The following PTPRD variants were observed in gnomAD, a reference collection of about 807,000 sequenced individuals.
PTPRD encodes protein tyrosine phosphatase receptor type D.
A neutral mutation model predicts 214.5 loss-of-function variants in PTPRD; 34 were observed. The ratio of observed to expected loss-of-function variants is 0.16; its 90% CI spans 0.12 to 0.21. The LOEUF (loss-of-function observed/expected upper bound fraction) is 0.21, where lower values mean the gene tolerates loss of function less well. Ranked by LOEUF, PTPRD falls within the 10% of genes least tolerant of loss-of-function variation. The probability of loss-of-function intolerance (pLI) is 1.00; values close to 1 mark genes in which losing one functional copy is unlikely to be tolerated. For missense variants in PTPRD, 2,545 were observed against 2,398.7 expected (o/e 1.06, Z -1.27); for synonymous variants, 1,128 against 845.7 (o/e 1.33, Z -5.79).
At chr9:9,861,458 A>C (rs2062759918) in intron 5 of PTPRD, among the ~76,000 whole-genome samples, 1 of 151,890 alleles carries the variant, frequency 6.6e-6, no homozygotes, top group Admixed American at 6.6e-5. Flanking sequence ...GCCCAGGCTA[A>C]TTTTTGTATT....
chr9:8,629,268 A>T (rs2096164552), intron 14 of PTPRD, among the ~76,000 whole-genome samples: 1 of 151,860 alleles, frequency 6.6e-6, no homozygotes, highest in South Asian at 2.1e-4. Context: ...CAAAAGAAGC[A>T]AGTACCCTTG....
intron 3 of PTPRD, among the ~76,000 whole-genome samples, chr9:10,084,869 A>C (rs1057196446): frequency 1.3e-5 from 2 of 151,952 alleles, no homozygotes; most frequent in Non-Finnish European, 2.9e-5. Flanking sequence ...AACATAATAC[A>C]TAAATCTTAC....
chr9:9,592,238 T>C (rs180727741), intron 7 of PTPRD, among the ~76,000 whole-genome samples: 4 of 152,188 alleles, frequency 2.6e-5, no homozygotes, highest in African/African-American at 7.2e-5. Context: ...TTGCCTAAAT[T>C]ATATCTTGTT....
intron 7 of PTPRD, among the ~76,000 whole-genome samples, chr9:9,697,625 T>A (rs1595492109): frequency 6.6e-6 from 1 of 152,246 alleles, no homozygotes; most frequent in East Asian, 1.9e-4. Flanking sequence ...CTTTTGTGTT[T>A]GACCTTTGAG....
intron 2 of PTPRD, among the ~76,000 whole-genome samples, chr9:10,465,049 A>G (rs1325138748): frequency 2.6e-5 from 4 of 152,216 alleles, no homozygotes; most frequent in Admixed American, 1.3e-4. Flanking sequence ...CAGAGCAAAT[A>G]AAAATATGTG....
At chr9:9,156,118 T>C (rs917713281) in intron 10 of PTPRD, among the ~76,000 whole-genome samples, 6 of 152,180 alleles carry the variant, frequency 3.9e-5, no homozygotes, top group Non-Finnish European at 8.8e-5. Context: ...AAAACAGATA[T>C]ACAGGCACTA....
chr9:10,467,526 G>A (rs768585607), intron 2 of PTPRD, among the ~76,000 whole-genome samples: 5 of 152,120 alleles, frequency 3.3e-5, no homozygotes, highest in Non-Finnish European at 5.9e-5. Flanking sequence ...GCATCAAGGG[G>A]AAACTGCATG....
intron 7 of PTPRD, among the ~76,000 whole-genome samples, chr9:9,700,373 G>C (rs774105666): frequency 2.6e-5 from 4 of 151,972 alleles, no homozygotes; most frequent in Non-Finnish European, 5.9e-5. Context: ...CAATATACAA[G>C]ACAATATTTA....
chr9:9,784,780 T>C (rs2098905411), intron 5 of PTPRD, among the ~76,000 whole-genome samples: 2 of 151,070 alleles, frequency 1.3e-5, no homozygotes, highest in South Asian at 2.1e-4. Context: ...TGTGTATATA[T>C]AGATATATAT....
At chr9:8,914,855 T>G (rs988556279) in intron 11 of PTPRD, among the ~76,000 whole-genome samples, 4 of 152,166 alleles carry the variant, frequency 2.6e-5, no homozygotes, top group Admixed American at 2.6e-4. Flanking sequence ...GATTTTATTA[T>G]TGTTTTTAGA....
chr9:8,743,562 A>G (rs2092384260), intron 11 of PTPRD, among the ~76,000 whole-genome samples: 1 of 152,194 alleles, frequency 6.6e-6, no homozygotes, highest in Admixed American at 6.5e-5. Context: ...ATTAAAGAAT[A>G]TTCTCTTCAT....
chr9:10,234,657 G>A (rs1049824840), intron 3 of PTPRD, among the ~76,000 whole-genome samples: 37 of 151,866 alleles, frequency 2.4e-4, no homozygotes, highest in Admixed American at 7.2e-4. Flanking sequence ...TATAAAAGTT[G>A]TTAAATAATA....
At chr9:8,810,410 T>C (rs2096777778) in intron 11 of PTPRD, among the ~76,000 whole-genome samples, 1 of 152,278 alleles carries the variant, frequency 6.6e-6, no homozygotes, top group African/African-American at 2.4e-5. Context: ...AACATCACCC[T>C]GGATCTCAAG....
chr9:8,660,080 G>T (rs1019413107), intron 12 of PTPRD, among the ~76,000 whole-genome samples: 12 of 152,136 alleles, frequency 7.9e-5, no homozygotes, highest in Admixed American at 7.2e-4. Context: ...ACTTCCTAAT[G>T]AATTGCAAAT....
intron 8 of PTPRD, among the ~76,000 whole-genome samples, chr9:9,530,604 C>G (rs964817174): frequency 3.3e-5 from 5 of 152,078 alleles, no homozygotes; most frequent in African/African-American, 1.2e-4. Flanking sequence ...TTCACAATAG[C>G]AAAGATACAG....
chr9:8,402,644 G>C (rs1006722443), intron 36 of PTPRD, among the ~76,000 whole-genome samples: 4 of 151,866 alleles, frequency 2.6e-5, no homozygotes, highest in Non-Finnish European at 5.9e-5. Flanking sequence ...ACTCAGTTTA[G>C]TTTTTCATTT....
intron 3 of PTPRD, among the ~76,000 whole-genome samples, chr9:10,200,974 G>C (rs534273157): frequency 6.6e-6 from 1 of 151,966 alleles, no homozygotes; most frequent in African/African-American, 2.4e-5. Flanking sequence ...AAAAGACACA[G>C]CTTATATACT....
intron 8 of PTPRD, among the ~76,000 whole-genome samples, chr9:9,451,665 T>G (rs2092218491): frequency 6.6e-6 from 1 of 151,512 alleles, no homozygotes; most frequent in East Asian, 1.9e-4. Context: ...TATATAAAAA[T>G]TAACAACCAA....
chr9:9,484,093 G>C (rs2095528362), intron 8 of PTPRD, among the ~76,000 whole-genome samples: 1 of 151,346 alleles, frequency 6.6e-6, no homozygotes, highest in South Asian at 2.1e-4. Flanking sequence ...AAATCTTTAA[G>C]AATTGGAAAA....
Sources: gnomAD v4.1 joint callset for allele counts (sites outside exome capture counted in the v4.1 genomes callset) on GRCh38, gnomAD v4.1.1 for gene constraint, MANE v1.5 for transcripts, NCBI Gene and HGNC (gene_info 2026-07-23, HGNC 2026-07-21) for gene names.